The following ASRGL1 variants were observed in gnomAD, a reference collection of about 807,000 sequenced individuals.
ASRGL1 encodes isoaspartyl peptidase/L-asparaginase.
Under a neutral mutation model 22.4 loss-of-function variants are expected in ASRGL1, and 16 were observed. That is an observed-to-expected ratio of 0.71 (90% confidence interval 0.48 to 1.08). The LOEUF is 1.08. Ranked by LOEUF, ASRGL1 falls within the 50% of genes least tolerant of loss-of-function variation. The pLI, the probability that ASRGL1 is intolerant of heterozygous loss-of-function variation, is 0.00. For synonymous variants in ASRGL1, 165 were observed against 159.3 expected, an observed-to-expected ratio of 1.04 and a Z score of -0.27; for missense variants, 412 against 410.1, an observed-to-expected ratio of 1.00 and a Z score of -0.04.
At chr11:62,380,869 A>C (rs999473876) in intron 4 of ASRGL1, among the ~76,000 whole-genome samples, 1 of 152,112 alleles carries the variant, frequency 6.6e-6, no homozygotes, top group Non-Finnish European at 1.5e-5. Context: ...CCACGCCTCA[A>C]TATCTCCTTG....
At chr11:62,391,690 T>G in intron 6 of ASRGL1, 58 bp downstream of exon 6, 1 of 1,523,966 alleles carries the variant, frequency 6.6e-7, no homozygotes, top group East Asian at 2.4e-5. Context: ...TAGAAGGTAT[T>G]TGATAAGTAA....
chr11:62,371,306 TG>T, intron 4 of ASRGL1: 1 of 1,379,444 alleles, frequency 7.2e-7, no homozygotes, highest in Non-Finnish European at 9.6e-7. Flanking sequence ...GAGGACGGCC[TG>T]GAGCTCGACG....
chr11:62,376,100 C>CAAA (rs35931241), intron 4 of ASRGL1, among the ~76,000 whole-genome samples: 26 of 51,526 alleles, frequency 5.0e-4, no homozygotes, highest in Admixed American at 2.7e-3. Flanking sequence ...GACTCCATCT[C>CAAA]AAAAAAAAAA....
the ASRGL1 span, among the ~76,000 whole-genome samples, chr11:62,400,077 C>T: frequency 6.6e-6 from 1 of 152,188 alleles, no homozygotes; most frequent in Non-Finnish European, 1.5e-5. Context: ...GGGATTCCTC[C>T]TGCTGCCTGG....
chr11:62,380,216 C>T (rs895147036), intron 4 of ASRGL1, among the ~76,000 whole-genome samples: 4 of 152,128 alleles, frequency 2.6e-5, no homozygotes, highest in African/African-American at 4.8e-5. Context: ...TGGGAACCTT[C>T]CCTTTTAATG....
chr11:62,389,211 T>G lies in ASRGL1; in HGVS notation c.570T>G (p.Val190=). The G allele has an allele frequency of 6.2e-7, 1 of 1,614,180 alleles. No individual in the cohort carries two copies. The highest frequency in any genetic ancestry group is 8.5e-7 in the Non-Finnish European group (1 of 1,180,030). ...VAYATSTGGI[V]NKMVGRVGDS... ...ACGCAACCTCCACAGGCGGTATCGT[T>G]AATAAAATGGTCGGCCGCGTTGGGG... The change falls in exon 5 of 7, where the codon GTT becomes GTG. Residue 190 remains valine, a synonymous_variant. Coordinates refer to ENST00000415229, the MANE Select transcript of ASRGL1 (RefSeq NM_001083926.2).
intron 4 of ASRGL1, among the ~76,000 whole-genome samples, chr11:62,387,059 A>ATTTTTT (rs55647741): frequency 7.0e-6 from 1 of 143,652 alleles, no homozygotes. Context: ...CACTTAGCTA[A>ATTTTTT]TTTTTTTTTT....
At chr11:62,379,978 C>CTGT (rs954876302) in intron 4 of ASRGL1, among the ~76,000 whole-genome samples, 5 of 152,094 alleles carry the variant, frequency 3.3e-5, no homozygotes, top group African/African-American at 7.2e-5. Flanking sequence ...GGCTCTTTAT[C>CTGT]TGTTGTTGTT....
chr11:62,396,980 G>A (rs926613183), downstream of ASRGL1, among the ~76,000 whole-genome samples: 2 of 152,106 alleles, frequency 1.3e-5, no homozygotes, highest in Non-Finnish European at 2.9e-5. Context: ...ATGCCTGCCC[G>A]CCTTGGCCCT....
chr11:62,371,008 G>A (rs1590739756), intron 4 of ASRGL1: 2 of 439,494 alleles, frequency 4.6e-6, no homozygotes, highest in East Asian at 7.3e-5. Flanking sequence ...GCATTTTTAA[G>A]TGTATCTGAG....
the ASRGL1 span, among the ~76,000 whole-genome samples, chr11:62,400,566 T>C: frequency 6.6e-6 from 1 of 152,178 alleles, no homozygotes; most frequent in African/African-American, 2.4e-5. Context: ...CAACCCTCCA[T>C]GCTATTAACA....
Position 62,362,586 on chromosome 11 carries a change from TATATA to T in ASRGL1, c.491+5448_491+5452del, listed in dbSNP as rs1379404158. 3.0e-4 allele frequency among the ~76,000 whole-genome samples: 19 copies of T among 63,344 alleles called. 1 individual carries two copies. The highest frequency in any genetic ancestry group is 1.1e-3 in the African/African-American group (18 of 15,676). 41.6% of individuals were successfully genotyped at this position (63,344 alleles called of 152,430 possible). The stretch of plus-strand genomic sequence containing the variant: ...TTTATATAATATATATTATATAAAA[TATATA>T]ATATATATTATATAAAATATATATT... On this transcript the variant is annotated intron_variant, in intron 4 of 6. Coordinates refer to ENST00000415229, the MANE Select transcript of ASRGL1 (RefSeq NM_001083926.2).
downstream of ASRGL1, among the ~76,000 whole-genome samples, chr11:62,395,755 GTTTCTTTTTTTTT>G (rs1372515387): frequency 2.2e-3 from 144 of 65,162 alleles, no homozygotes; most frequent in Admixed American, 5.4e-3. Context: ...TTTTGTAGCT[GTTTCTTTTTTTTT>G]TTTTTTTTTT....
intron 2 of ASRGL1, among the ~76,000 whole-genome samples, chr11:62,340,423 C>T (rs546083713): frequency 7.7e-4 from 117 of 152,332 alleles, no homozygotes; most frequent in African/African-American, 2.6e-3. Flanking sequence ...TTAAACCTTA[C>T]GCTTCTTAGC....
At chr11:62,374,259 G>A (rs1309457434) in intron 4 of ASRGL1, among the ~76,000 whole-genome samples, 9 of 152,148 alleles carry the variant, frequency 5.9e-5, no homozygotes, top group Non-Finnish European at 2.9e-5. Flanking sequence ...CGGATGCCGT[G>A]ACTGCCACCC....
chr11:62,354,352 T>G (rs1229932336), intron 2 of ASRGL1, among the ~76,000 whole-genome samples: 2 of 152,156 alleles, frequency 1.3e-5, no homozygotes, highest in Non-Finnish European at 2.9e-5. Context: ...CCCCAGTGAG[T>G]GCCTGAAACC....
chr11:62,338,379 A>G, intron 2 of ASRGL1: 1 of 524,508 alleles, frequency 1.9e-6, no homozygotes, highest in Non-Finnish European at 3.2e-6. Context: ...AATATGAGTG[A>G]CCAATGGCCT....
At chr11:62,375,274 C>T (rs970207637) in intron 4 of ASRGL1, among the ~76,000 whole-genome samples, 7 of 151,332 alleles carry the variant, frequency 4.6e-5, no homozygotes, top group African/African-American at 7.3e-5. Flanking sequence ...CACAGTTGCC[C>T]GGCTGGGAAC....
intron 4 of ASRGL1, chr11:62,371,329 A>AG (rs1452216540): frequency 7.9e-7 from 1 of 1,264,698 alleles, no homozygotes; most frequent in Non-Finnish European, 1.1e-6. Context: ...GGCCCCCGGC[A>AG]GGGGCAAGCG....
Sources: gnomAD v4.1 joint callset for allele counts (sites outside exome capture counted in the v4.1 genomes callset) on GRCh38, gnomAD v4.1.1 for gene constraint, MANE v1.5 for transcripts, NCBI Gene and HGNC (gene_info 2026-07-23, HGNC 2026-07-21) for gene names.